The following DPP10 variants were observed in gnomAD, a reference collection of about 807,000 sequenced individuals.
DPP10 encodes inactive dipeptidyl peptidase 10.
A neutral mutation model predicts 120.9 loss-of-function variants in DPP10; 33 were observed. The observed-to-expected ratio is 0.27, with a 90% confidence interval of 0.21 to 0.37. The LOEUF (loss-of-function observed/expected upper bound fraction) is 0.37. Ranked by LOEUF, DPP10 falls within the 10% of genes least tolerant of loss-of-function variation. DPP10 has a pLI of 1.00. For synonymous variants in DPP10, 337 were observed against 326.1 expected (o/e 1.03, Z -0.36); for missense variants, 816 against 942.8 (o/e 0.87, Z 1.76).
chr2:114,697,761 A>AC (rs1185185487), intron 1 of DPP10, among the ~76,000 whole-genome samples: 1 of 151,446 alleles, frequency 6.6e-6, no homozygotes, highest in Non-Finnish European at 1.5e-5. Context: ...AAAAAAAAAA[A>AC]AAAAAAAGAC....
At chr2:114,837,977 C>A (rs1376417981) in intron 1 of DPP10, among the ~76,000 whole-genome samples, 1 of 152,154 alleles carries the variant, frequency 6.6e-6, no homozygotes, top group Non-Finnish European at 1.5e-5. Context: ...ACTGGCATAA[C>A]AAATTAATGG....
chr2:114,745,863 A>T (rs1678530064), intron 1 of DPP10, among the ~76,000 whole-genome samples: 1 of 152,222 alleles, frequency 6.6e-6, no homozygotes, highest in African/African-American at 2.4e-5. Flanking sequence ...GCCTCTGTTC[A>T]CGTAGTCCCC....
chr2:114,499,315 G>C (rs983111645), intron 1 of DPP10, among the ~76,000 whole-genome samples: 1 of 152,190 alleles, frequency 6.6e-6, no homozygotes, highest in Non-Finnish European at 1.5e-5. Context: ...AGTGAACTTT[G>C]AGCAAGGGCT....
At chr2:115,370,824 C>T (rs979380427) in intron 3 of DPP10, among the ~76,000 whole-genome samples, 6 of 151,818 alleles carry the variant, frequency 4.0e-5, no homozygotes, top group Non-Finnish European at 7.4e-5. Flanking sequence ...TTGGGGTACG[C>T]GTTAAGTATT....
chr2:115,157,260 AAG>A (rs1553502258), intron 1 of DPP10, among the ~76,000 whole-genome samples: 57 of 151,786 alleles, frequency 3.8e-4, no homozygotes, highest in Middle Eastern at 6.8e-3. Context: ...AAAAAAAAAA[AAG>A]AGAGATTTGA....
chr2:115,389,716 C>A (rs540661698), intron 3 of DPP10, among the ~76,000 whole-genome samples: 1 of 152,238 alleles, frequency 6.6e-6, no homozygotes, highest in South Asian at 2.1e-4. Context: ...GTGGCTCAAC[C>A]TAATGCGTGA....
chr2:115,398,609 T>C (rs1373940432), intron 3 of DPP10, among the ~76,000 whole-genome samples: 2 of 152,140 alleles, frequency 1.3e-5, no homozygotes, highest in Non-Finnish European at 2.9e-5. Context: ...TTTTGCATCA[T>C]TAAAAGTTCT....
chr2:115,588,996 T>C (rs1379620678), intron 5 of DPP10, among the ~76,000 whole-genome samples: 1 of 152,052 alleles, frequency 6.6e-6, no homozygotes, highest in African/African-American at 2.4e-5. Context: ...AAACGAAAAA[T>C]TGGAAAAGAG....
At chr2:115,370,633 G>C (rs1043584590) in intron 3 of DPP10, among the ~76,000 whole-genome samples, 18 of 152,054 alleles carry the variant, frequency 1.2e-4, no homozygotes, top group Non-Finnish European at 2.1e-4. Flanking sequence ...AACAAACAAG[G>C]ACTCCAGGGT....
intron 22 of DPP10, 78 bp downstream of exon 22, chr2:115,836,334 T>C: frequency 7.1e-7 from 1 of 1,409,688 alleles, no homozygotes; most frequent in Non-Finnish European, 9.8e-7. Flanking sequence ...AATAGCTCAA[T>C]TGAGCTCATT....
At chr2:115,468,374 C>T in intron 3 of DPP10, 3 of 507,374 alleles carry the variant, frequency 5.9e-6, no homozygotes, top group South Asian at 4.3e-5. Flanking sequence ...TTGGGATGTT[C>T]ACTAACCAGA....
chr2:115,317,710 A>G (rs2061863966), intron 2 of DPP10, among the ~76,000 whole-genome samples: 1 of 151,606 alleles, frequency 6.6e-6, no homozygotes. Context: ...CATTTCCCTA[A>G]TAATTAACTA....
intron 5 of DPP10, among the ~76,000 whole-genome samples, chr2:115,608,204 A>G (rs1165950219): frequency 6.6e-6 from 1 of 152,020 alleles, no homozygotes; most frequent in Admixed American, 6.6e-5. Context: ...TCTGGCCAAC[A>G]TGGTAAAACC....
intron 1 of DPP10, among the ~76,000 whole-genome samples, chr2:115,262,102 G>T (rs2059276629): frequency 6.6e-6 from 1 of 151,756 alleles, no homozygotes; most frequent in Non-Finnish European, 1.5e-5. Context: ...TTAACACAGT[G>T]AAGTAATTTG....
chr2:115,305,511 T>A (rs928573155), intron 1 of DPP10, among the ~76,000 whole-genome samples: 5 of 152,030 alleles, frequency 3.3e-5, no homozygotes, highest in Admixed American at 3.3e-4. Flanking sequence ...CACAGGAGGA[T>A]TGCTTGAGGC....
At chr2:115,705,261 C>T (rs2092055182) in intron 7 of DPP10, among the ~76,000 whole-genome samples, 1 of 151,848 alleles carries the variant, frequency 6.6e-6, no homozygotes, top group Non-Finnish European at 1.5e-5. Context: ...CTCACATTTC[C>T]TACTAAAAGT....
At chr2:115,514,551 A>G (rs771039880) in intron 4 of DPP10, among the ~76,000 whole-genome samples, 9 of 151,914 alleles carry the variant, frequency 5.9e-5, no homozygotes, top group Non-Finnish European at 1.0e-4. Context: ...AAAACAAGAT[A>G]ATGAAAACAT....
intron 1 of DPP10, among the ~76,000 whole-genome samples, chr2:114,714,461 AAG>A (rs1701229032): frequency 6.6e-6 from 1 of 152,166 alleles, no homozygotes; most frequent in Non-Finnish European, 1.5e-5. Context: ...GTGACAACAA[AAG>A]CAGGAACAAA....
intron 7 of DPP10, among the ~76,000 whole-genome samples, chr2:115,712,887 A>G (rs2092377492): frequency 1.3e-5 from 2 of 152,190 alleles, no homozygotes; most frequent in South Asian, 4.2e-4. Flanking sequence ...ATGTTGGTCT[A>G]CAAAAACCAT....
Sources: allele counts gnomAD v4.1 joint callset (sites outside exome capture counted in the v4.1 genomes callset), GRCh38; gene constraint gnomAD v4.1.1; transcripts MANE v1.5; gene names NCBI Gene and HGNC (gene_info 2026-07-23, HGNC 2026-07-21).